EGFLAM: variants seen among roughly 807,000 people sequenced by gnomAD.
EGFLAM encodes the protein pikachurin.
A neutral mutation model predicts 113.1 loss-of-function variants in EGFLAM; 79 were observed. The observed-to-expected ratio is 0.70, with a 90% CI of 0.58 to 0.84. The LOEUF (loss-of-function observed/expected upper bound fraction) is 0.84. EGFLAM is among the 40% of genes least tolerant of loss of function. EGFLAM has a pLI of 0.00. For missense variants in EGFLAM, 1,265 were observed against 1,291.6 expected, an observed-to-expected ratio of 0.98 and a Z score of 0.32; for synonymous variants, 504 against 487.6, an observed-to-expected ratio of 1.03 and a Z score of -0.44.
At position 38,271,778 on chromosome 5, in the gene EGFLAM, G is replaced by A. The variant is rs12654689; in HGVS notation, c.97+12927G>A. 8.5e-3 allele frequency among the ~76,000 whole-genome samples: 1,301 copies of A among 152,286 alleles called. 21 individuals are homozygous for A. Among genetic ancestry groups the A allele is most frequent in the East Asian group, 0.046 (237 of 5,176 alleles). ...TCTGTCTACTTGACTCATGTCTTCT[G>A]TTAGATTTGTAACTTGTTCAAGAAA... On this transcript the variant is annotated intron_variant, in intron 1 of 21. Transcript: ENST00000322350.
intron 9 of EGFLAM, 91 bp downstream of exon 9, chr5:38,407,996 C>T: frequency 1.0e-6 from 1 of 999,272 alleles, no homozygotes; most frequent in South Asian, 1.4e-5. Context: ...GGAAGCGGGG[C>T]AGCAGGGAGA....
chr5:38,269,251 A>G (rs912558009), intron 1 of EGFLAM, among the ~76,000 whole-genome samples: 6 of 152,170 alleles, frequency 3.9e-5, no homozygotes, highest in Non-Finnish European at 8.8e-5. Context: ...GTGAGTTTCT[A>G]AGGCATATCA....
intron 6 of EGFLAM, among the ~76,000 whole-genome samples, chr5:38,387,031 G>A (rs1011318463): frequency 6.6e-6 from 1 of 152,100 alleles, no homozygotes; most frequent in African/African-American, 2.4e-5. Context: ...GGTGACTTTG[G>A]GGATCACTGG....
chr5:38,368,922 T>G (rs893075695), intron 5 of EGFLAM, among the ~76,000 whole-genome samples: 1 of 152,142 alleles, frequency 6.6e-6, no homozygotes, highest in African/African-American at 2.4e-5. Context: ...TTTTGAGAAG[T>G]AAATGAGTTA....
intron 14 of EGFLAM, among the ~76,000 whole-genome samples, chr5:38,430,632 G>T (rs544122459): frequency 6.6e-6 from 1 of 152,298 alleles, no homozygotes; most frequent in East Asian, 1.9e-4. Flanking sequence ...CAGGGAAACA[G>T]AACCAATAGG....
intron 5 of EGFLAM, 60 bp from the exon 6 acceptor site, chr5:38,370,236 G>A (rs1740167976): frequency 6.4e-7 from 1 of 1,558,836 alleles, no homozygotes; most frequent in Non-Finnish European, 8.8e-7. Context: ...TAGCCAGCTA[G>A]CTTCCCTTCC....
intron 1 of EGFLAM, among the ~76,000 whole-genome samples, chr5:38,263,907 G>A (rs1276474498): frequency 3.3e-5 from 5 of 152,096 alleles, no homozygotes; most frequent in African/African-American, 9.7e-5. Context: ...AGAGGCAAAG[G>A]GATCTCCAGC....
At position 38,388,261 on chromosome 5, in the gene EGFLAM, G is replaced by A. The variant is rs1462067796; in HGVS notation, c.712+17799G>A. 2.0e-5 allele frequency among the ~76,000 whole-genome samples: 3 copies of A among 152,268 alleles called. No homozygotes were observed. The East Asian group carries it at 5.8e-4, about 29-fold the overall frequency. On this transcript the variant is annotated intron_variant, in intron 6 of 21. Transcript: ENST00000322350. ...AGATGAGATAGTTACTTAAGCCCTT[G>A]AAGTCACTCAACTTTGAGCTTCCCA...
intron 1 of EGFLAM, among the ~76,000 whole-genome samples, chr5:38,272,862 A>C (rs1579710490): frequency 6.6e-6 from 1 of 152,170 alleles, no homozygotes; most frequent in East Asian, 1.9e-4. Context: ...GAAGTGGTGA[A>C]GTATTAGTGA....
intron 10 of EGFLAM, among the ~76,000 whole-genome samples, chr5:38,411,483 C>CTTTTTTT (rs759299989): frequency 1.8e-5 from 2 of 113,418 alleles, no homozygotes; most frequent in Admixed American, 9.1e-5. Context: ...TCATTAATTT[C>CTTTTTTT]TTTTTTTTTT....
chr5:38,410,730 C>A (rs1202420849), intron 10 of EGFLAM, among the ~76,000 whole-genome samples: 1 of 152,152 alleles, frequency 6.6e-6, no homozygotes, highest in Non-Finnish European at 1.5e-5. Flanking sequence ...TCTGAGGACA[C>A]CCCTCCTCTG....
intron 6 of EGFLAM, among the ~76,000 whole-genome samples, chr5:38,384,471 C>T (rs182563709): frequency 9.2e-5 from 14 of 152,310 alleles, no homozygotes; most frequent in Admixed American, 8.5e-4. Context: ...CCCATGCTCC[C>T]AAGTGGGGAG....
At chr5:38,410,539 G>A (rs540128359) in intron 10 of EGFLAM, among the ~76,000 whole-genome samples, 19 of 152,296 alleles carry the variant, frequency 1.2e-4, no homozygotes, top group Non-Finnish European at 2.5e-4. Context: ...GCAAATCCTA[G>A]TAAGGAAAAT....
chr5:38,451,989 C>A (rs1742930048), intron 19 of EGFLAM, among the ~76,000 whole-genome samples: 2 of 112,684 alleles, frequency 1.8e-5, no homozygotes, highest in African/African-American at 4.2e-5. Context: ...AAGACTCCAT[C>A]TCAAAAAAAA....
intron 9 of EGFLAM, among the ~76,000 whole-genome samples, chr5:38,408,494 C>T (rs1369054939): frequency 6.6e-6 from 1 of 152,146 alleles, no homozygotes; most frequent in Non-Finnish European, 1.5e-5. Flanking sequence ...GTCATGGCCA[C>T]AGTGTTGAGT....
At chr5:38,393,651 G>C (rs950657628) in intron 6 of EGFLAM, among the ~76,000 whole-genome samples, 1 of 152,224 alleles carries the variant, frequency 6.6e-6, no homozygotes, top group African/African-American at 2.4e-5. Flanking sequence ...TCAGCCCACC[G>C]CTGGCCAGTC....
rs1308940952 is a variant in EGFLAM at position 38,463,901 on chromosome 5, A to C, written c.2945A>C (p.His982Pro). ...AGAGGGCTCGTGGGCTGTATCTCTC[A>C]CTTCACCCTGTCCACCGATTACCAC... ...YMRGLVGCIS[H>P]FTLSTDYHIS... is the part of the protein sequence containing the mutation. Residue 982 changes from histidine to proline, a missense_variant, in exon 22 of 22, where the codon CAC becomes CCC. Transcript: ENST00000322350. 1 of 1,614,176 alleles carries C rather than the reference A, an allele frequency of 6.2e-7. No homozygotes were observed. The highest frequency in any genetic ancestry group is 8.5e-7 in the Non-Finnish European group (1 of 1,180,034).
At chr5:38,438,501 G>A in intron 17 of EGFLAM, 46 bp downstream of exon 17, 1 of 1,487,874 alleles carries the variant, frequency 6.7e-7, no homozygotes, top group Non-Finnish European at 9.0e-7. Context: ...GGAGTGGAAG[G>A]AACGGACAGC....
At chr5:38,300,911 C>T (rs1183301717) in intron 1 of EGFLAM, among the ~76,000 whole-genome samples, 1 of 152,100 alleles carries the variant, frequency 6.6e-6, no homozygotes, top group African/African-American at 2.4e-5. Flanking sequence ...GAGGAAGGAG[C>T]AGAGAATAAT....
Sources: allele counts gnomAD v4.1 joint callset (sites outside exome capture counted in the v4.1 genomes callset), GRCh38; gene constraint gnomAD v4.1.1; transcripts MANE v1.5; gene names NCBI Gene and HGNC (gene_info 2026-07-23, HGNC 2026-07-21).